NET1: variants seen among roughly 807,000 people sequenced by gnomAD.
The protein encoded by NET1 is neuroepithelial cell-transforming gene 1 protein.
A neutral mutation model predicts 61.1 loss-of-function variants in NET1; 42 were observed. The observed-to-expected ratio is 0.69, with a 90% CI of 0.54 to 0.89. The LOEUF (loss-of-function observed/expected upper bound fraction) is 0.89. Ranked by LOEUF, NET1 falls within the 40% of genes least tolerant of loss-of-function variation. NET1 has a pLI of 0.00. For synonymous variants in NET1, 254 were observed against 281.8 expected, an observed-to-expected ratio of 0.90 and a Z score of 0.99; for missense variants, 654 against 747.3, an observed-to-expected ratio of 0.88 and a Z score of 1.46.
In NET1 at chr10:5,446,705, T is replaced by TC; in HGVS notation, c.256-5124dup. ...AAAGCCCGTGTGCCTCTGCATAGCGTCGCTACAGCGCTGACTCGGTGTGGA... is the reference window on the plus strand; with the variant it reads ...AAAGCCCGTGTGCCTCTGCATAGCGTCCGCTACAGCGCTGACTCGGTGTGGA... On this transcript the variant is annotated intron_variant, in intron 3 of 11. Coordinates refer to ENST00000355029, the MANE Select transcript of NET1 (RefSeq NM_001047160.3). The surrounding 1 kb of genome is among the most constrained non-coding windows in gnomAD (Gnocchi z 5.0). 6.8e-7 allele frequency: 1 copy of TC among 1,476,658 alleles called. No individual in the cohort carries two copies. The allele number at this position is 1,476,658 out of a possible 1,614,324, so 91.5% of individuals were successfully genotyped here.
chr10:5,457,639 T>G lies in NET1; in HGVS notation c.*645T>G, dbSNP rs1222971479. ...AGTAGTTTTTAGCATTTGCTTTTAT[T>G]TTTTTACTTTGATGCCTTTTCAAAT... On this transcript the variant is annotated 3_prime_UTR_variant, in exon 12 of 12. Coordinates refer to ENST00000355029, the MANE Select transcript of NET1 (RefSeq NM_001047160.3). This position sits in a 1 kb window ranked among gnomAD's most constrained non-coding sequence, Gnocchi z 5.4. The G allele has an allele frequency of 6.6e-6, 1 of 152,606 alleles. No individual in the cohort carries two copies. The highest frequency in any genetic ancestry group is 2.4e-5 in the African/African-American group (1 of 41,438). 9.5% of individuals were successfully genotyped at this position (152,606 alleles called of 1,614,324 possible).
intron 3 of NET1, 48 bp downstream of exon 3, chr10:5,429,277 T>G: frequency 3.0e-6 from 4 of 1,321,546 alleles, no homozygotes; most frequent in Non-Finnish European, 4.2e-6. Flanking sequence ...AATATGCAGA[T>G]AGCATTTTAT....
chr10:5,444,741 C>T lies in NET1; in HGVS notation c.256-7089C>T, dbSNP rs1368687186. On this transcript the variant is annotated intron_variant, in intron 3 of 11. Coordinates refer to ENST00000355029, the MANE Select transcript of NET1 (RefSeq NM_001047160.3). The surrounding 1 kb of genome is among the most constrained non-coding windows in gnomAD (Gnocchi z 5.3). Reference sequence around the variant, plus strand: ...TCACTCCCATAGCTTCGATTTTTATCTCTGTATCTGACTCTCCAGTCTAAA... The same window carrying T: ...TCACTCCCATAGCTTCGATTTTTATTTCTGTATCTGACTCTCCAGTCTAAA... Among the ~76,000 whole-genome samples the T allele has an allele frequency of 6.6e-6, 1 of 152,200 alleles. No individual in the cohort carries two copies. Among genetic ancestry groups the T allele is most frequent in the Non-Finnish European group, 1.5e-5 (1 of 68,024 alleles).
rs1832279241 is a variant in NET1 at position 5,427,675 on chromosome 10, G to C, written c.195+954G>C. Among the ~76,000 whole-genome samples, 2 of 152,200 alleles carry C rather than the reference G, an allele frequency of 1.3e-5. No homozygotes were observed. Among genetic ancestry groups the C allele is most frequent in the South Asian group, 4.1e-4 (2 of 4,826 alleles). On this transcript the variant is annotated intron_variant, in intron 2 of 11. Coordinates refer to ENST00000355029, the MANE Select transcript of NET1 (RefSeq NM_001047160.3). The surrounding 1 kb of genome is among the most constrained non-coding windows in gnomAD (Gnocchi z 4.1). ...TCTTGAGTTCCAACACCTCCATTCT[G>C]ATATATATTGTTCTTTCATGTCTTA...
Position 5,443,026 on chromosome 10 carries a change from ATAAAAGTATTGGCAAT to A in NET1, c.256-8802_256-8787del, listed in dbSNP as rs1307402100. 2.0e-5 allele frequency among the ~76,000 whole-genome samples: 3 copies of A among 152,324 alleles called. No homozygotes were observed. Among genetic ancestry groups the A allele is most frequent in the Non-Finnish European group, 4.4e-5 (3 of 68,022 alleles). On this transcript the variant is annotated intron_variant, in intron 3 of 11. Coordinates refer to ENST00000355029, the MANE Select transcript of NET1 (RefSeq NM_001047160.3). This position sits in a 1 kb window ranked among gnomAD's most constrained non-coding sequence, Gnocchi z 4.8. ...AACCGTTTTTATGGTTTCCTCCTCT[ATAAAAGTATTGGCAAT>A]TTAGTGAATACTGCTAGCCTGGGAC...
Position 5,453,501 on chromosome 10 carries a change from G to A in NET1, c.709G>A (p.Gly237Arg). The stretch of plus-strand genomic sequence containing the variant: ...CACTTCAGATTTGTTGACAAGAATA[G>A]GAGAAGCAACCAAGCCTGATGGAAC... Reference protein sequence around the residue: ...PLHEDLLTRIGEATKPDGTVE... With the variant: ...PLHEDLLTRIREATKPDGTVE... The change falls in exon 8 of 12, where the codon GGA (glycine) becomes AGA (arginine). Residue 237 changes from glycine to arginine, a missense_variant. Physicochemically the swap from Gly to Arg is moderately radical, Grantham distance 125. Coordinates refer to ENST00000355029, the MANE Select transcript of NET1 (RefSeq NM_001047160.3). The surrounding 1 kb of genome is among the most constrained non-coding windows in gnomAD (Gnocchi z 4.9). The A allele has an allele frequency of 2.5e-6, 4 of 1,614,014 alleles. No individual in the cohort carries two copies. The highest frequency in any genetic ancestry group is 3.4e-6 in the Non-Finnish European group (4 of 1,179,980).
intron 3 of NET1, among the ~76,000 whole-genome samples, chr10:5,445,831 T>G (rs1475882288): frequency 6.6e-6 from 1 of 152,230 alleles, no homozygotes; most frequent in Non-Finnish European, 1.5e-5. Flanking sequence ...TCGAGCTATA[T>G]CAAGATCAGT....
chr10:5,436,013 T>C (rs1832422783), intron 3 of NET1, among the ~76,000 whole-genome samples: 1 of 151,666 alleles, frequency 6.6e-6, no homozygotes, highest in Non-Finnish European at 1.5e-5. Context: ...ATACTGAGCA[T>C]ATTTTTGTGA....
In NET1 at chr10:5,440,669, G is replaced by C. The variant is rs1381710280; in HGVS notation, c.256-11161G>C. Among the ~76,000 whole-genome samples the C allele has an allele frequency of 6.6e-6, 1 of 152,140 alleles. No individual in the cohort carries two copies. The highest frequency in any genetic ancestry group is 1.5e-5 in the Non-Finnish European group (1 of 68,038). On this transcript the variant is annotated intron_variant, in intron 3 of 11. Transcript: ENST00000355029. The surrounding 1 kb of genome is among the most constrained non-coding windows in gnomAD (Gnocchi z 4.1). ...CTCCCACTTAGCTATTCCCACCATG[G>C]TGCTGAGAACATTATGAAAGTTCTG...
rs755077949 is a variant in NET1, at chr10:5,453,539, T to G, written c.747T>G (p.Ile249Met). The change falls in exon 8 of 12, where the codon ATT becomes ATG. Residue 249 changes from isoleucine to methionine, a missense_variant. Coordinates refer to ENST00000355029, the MANE Select transcript of NET1 (RefSeq NM_001047160.3). The surrounding 1 kb of genome is among the most constrained non-coding windows in gnomAD (Gnocchi z 4.9). ...ATKPDGTVEQ[I>M]GHILVSWLPR... ...AGCCTGATGGAACAGTGGAGCAGAT[T>G]GGTCACATTCTCGTGAGCTGGGTAT... 7.4e-6 allele frequency: 12 copies of G among 1,614,084 alleles called. No individual in the cohort carries two copies. The highest frequency in any genetic ancestry group is 1.0e-5 in the Non-Finnish European group (12 of 1,180,030).
In NET1 at chr10:5,454,227, C is replaced by A. The variant is rs544262857; in HGVS notation, c.769-38C>A. The A allele has an allele frequency of 1.9e-6, 3 of 1,584,936 alleles. No individual in the cohort carries two copies. The East Asian group carries it at 6.7e-5, about 35-fold the overall frequency. ...GGCTTGTTAATGCACTCGGTCATAA[C>A]AGGAACACATCATACCTTTTCTTTT... On this transcript the variant is annotated intron_variant, in intron 8 of 11. Coordinates refer to ENST00000355029, the MANE Select transcript of NET1 (RefSeq NM_001047160.3). This position sits in a 1 kb window ranked among gnomAD's most constrained non-coding sequence, Gnocchi z 8.1.
At position 5,424,318 on chromosome 10, in the gene NET1, A is replaced by C. The variant is rs997444490; in HGVS notation, c.129-2337A>C. ...TGCTAACCATGTAGCATACAGTAGCACCTAATACACTAAGAGTATTAATTC... is the reference window on the plus strand; with the variant it reads ...TGCTAACCATGTAGCATACAGTAGCCCCTAATACACTAAGAGTATTAATTC... On this transcript the variant is annotated intron_variant, in intron 1 of 11. Transcript: ENST00000355029. The surrounding 1 kb of genome is among the most constrained non-coding windows in gnomAD (Gnocchi z 6.1). Among the ~76,000 whole-genome samples the C allele has an allele frequency of 6.6e-6, 1 of 152,230 alleles. No homozygotes were observed. Among genetic ancestry groups the C allele is most frequent in the Non-Finnish European group, 1.5e-5 (1 of 68,042 alleles).
chr10:5,436,454 T>G (rs1253161448), intron 3 of NET1, among the ~76,000 whole-genome samples: 2 of 150,050 alleles, frequency 1.3e-5, no homozygotes, highest in Non-Finnish European at 1.5e-5. Context: ...CAGAGTGGTA[T>G]CGAACTCCTG....
intron 3 of NET1, among the ~76,000 whole-genome samples, chr10:5,430,460 C>T (rs1292881380): frequency 3.3e-5 from 5 of 151,668 alleles, no homozygotes; most frequent in Admixed American, 2.6e-4. Flanking sequence ...CTGCAACCTC[C>T]GCCTCCTGGG....
intron 1 of NET1, among the ~76,000 whole-genome samples, chr10:5,419,681 T>G (rs1275042737): frequency 2.2e-5 from 1 of 45,270 alleles, no homozygotes; most frequent in African/African-American, 7.5e-5. Context: ...TACCAACAAA[T>G]TCTCTGTTTG....
chr10:5,452,281 T>G lies in NET1; in HGVS notation c.364-77T>G. On this transcript the variant is annotated intron_variant, in intron 4 of 11. Coordinates refer to ENST00000355029, the MANE Select transcript of NET1 (RefSeq NM_001047160.3). The surrounding 1 kb of genome is among the most constrained non-coding windows in gnomAD (Gnocchi z 4.0). The stretch of plus-strand genomic sequence containing the variant: ...CTCAGAACTTTGTCTTTCTTCACTT[T>G]AAAAAAAAAGAAAATGGGAATAATT... 8.0e-7 allele frequency: 1 copy of G among 1,251,462 alleles called. No individual in the cohort carries two copies. Among genetic ancestry groups the G allele is most frequent in the South Asian group, 2.2e-5 (1 of 45,590 alleles). 77.5% of individuals were successfully genotyped at this position (1,251,462 alleles called of 1,614,324 possible).
In NET1 at chr10:5,455,464, C is replaced by T. The variant is rs1211126295; in HGVS notation, c.1197+346C>T. Among the ~76,000 whole-genome samples the T allele has an allele frequency of 2.0e-5, 3 of 152,040 alleles. No individual in the cohort carries two copies. The highest frequency in any genetic ancestry group is 7.2e-5 in the African/African-American group (3 of 41,406). On this transcript the variant is annotated intron_variant, in intron 10 of 11. Transcript: ENST00000355029. This position sits in a 1 kb window ranked among gnomAD's most constrained non-coding sequence, Gnocchi z 6.5. Reference sequence around the variant, plus strand: ...TCTTATGCTTATGAAAGTGGTTTTTCGCACTACATAACAAATTTCTGAAGC... The same window carrying T: ...TCTTATGCTTATGAAAGTGGTTTTTTGCACTACATAACAAATTTCTGAAGC...
Position 5,437,397 on chromosome 10 carries a change from T to G in NET1, c.255+8168T>G, listed in dbSNP as rs142927764. Among the ~76,000 whole-genome samples the G allele has an allele frequency of 6.2e-3, 945 of 152,276 alleles. 2 individuals carry two copies. Among genetic ancestry groups the G allele is most frequent in the Non-Finnish European group, 9.9e-3 (674 of 67,996 alleles). ...TATTCCATAGTGTGTTAAAGTACCA[T>G]AATCTATTTAACCAGTCTTTTAAGA... On this transcript the variant is annotated intron_variant, in intron 3 of 11. Coordinates refer to ENST00000355029, the MANE Select transcript of NET1 (RefSeq NM_001047160.3). The surrounding 1 kb of genome is among the most constrained non-coding windows in gnomAD (Gnocchi z 4.3).
At position 5,447,573 on chromosome 10, in the gene NET1, A is replaced by G. The variant is rs1832635146; in HGVS notation, c.256-4257A>G. Among the ~76,000 whole-genome samples, 1 of 152,176 alleles carries G rather than the reference A, an allele frequency of 6.6e-6. No individual in the cohort carries two copies. The highest frequency in any genetic ancestry group is 1.5e-5 in the Non-Finnish European group (1 of 68,032). Reference sequence around the variant, plus strand: ...TGTTCCTGCATTCAGTTAACTGTGTATCTCTTGATTGTGGTAGTGGTTTCC... The same window carrying G: ...TGTTCCTGCATTCAGTTAACTGTGTGTCTCTTGATTGTGGTAGTGGTTTCC... On this transcript the variant is annotated intron_variant, in intron 3 of 11. Transcript: ENST00000355029. The surrounding 1 kb of genome is among the most constrained non-coding windows in gnomAD (Gnocchi z 4.1).
Sources: gnomAD v4.1 joint callset for allele counts (sites outside exome capture counted in the v4.1 genomes callset) on GRCh38, gnomAD v4.1.1 for gene constraint, Gnocchi (gnomAD v3.1) non-coding constraint, MANE v1.5 for transcripts, NCBI Gene and HGNC (gene_info 2026-07-23, HGNC 2026-07-21) for gene names.